MYO1D: variants seen among roughly 807,000 people sequenced by gnomAD.
MYO1D encodes myosin ID.
MYO1D carries 83 observed loss-of-function variants against 122.0 expected under a neutral mutation model. The ratio of observed to expected loss-of-function variants is 0.68; its 90% CI spans 0.57 to 0.82. The LOEUF (loss-of-function observed/expected upper bound fraction) is 0.82, where lower values mean the gene tolerates loss of function less well. MYO1D is among the 40% of genes least tolerant of loss of function. MYO1D has a pLI of 0.00. For missense variants in MYO1D, 1,157 were observed against 1,269.5 expected, an observed-to-expected ratio of 0.91 and a Z score of 1.35; for synonymous variants, 464 against 446.9, an observed-to-expected ratio of 1.04 and a Z score of -0.48.
chr17:32,679,681 A>G (rs888817029), intron 16 of MYO1D, among the ~76,000 whole-genome samples: 4 of 152,192 alleles, frequency 2.6e-5, no homozygotes, highest in Non-Finnish European at 5.9e-5. Flanking sequence ...TAGAGTTTGA[A>G]GTCAGGTAGT....
At chr17:32,734,343 G>T (rs1264285294) in intron 14 of MYO1D, among the ~76,000 whole-genome samples, 1 of 151,952 alleles carries the variant, frequency 6.6e-6, no homozygotes, top group East Asian at 1.9e-4. Context: ...TGTCTGCACA[G>T]TAATAGCCCT....
At chr17:32,561,581 T>C (rs2087126013) in intron 21 of MYO1D, among the ~76,000 whole-genome samples, 2 of 151,454 alleles carry the variant, frequency 1.3e-5, no homozygotes, top group Non-Finnish European at 2.9e-5. Context: ...TCCCAGCTAC[T>C]TGGGAGGCTG....
At chr17:32,876,508 C>A (rs1447715578) in intron 1 of MYO1D, among the ~76,000 whole-genome samples, 1 of 152,176 alleles carries the variant, frequency 6.6e-6, no homozygotes, top group African/African-American at 2.4e-5. Context: ...ACCTAAACCC[C>A]GGACAGCGCC....
At chr17:32,775,087 G>A (rs1012435052) in intron 4 of MYO1D, among the ~76,000 whole-genome samples, 7 of 152,118 alleles carry the variant, frequency 4.6e-5, no homozygotes, top group Non-Finnish European at 7.3e-5. Flanking sequence ...GGCTGCTTGA[G>A]CCTAAGAGTT....
At chr17:32,524,406 T>C (rs947397390) in intron 21 of MYO1D, among the ~76,000 whole-genome samples, 1 of 152,100 alleles carries the variant, frequency 6.6e-6, no homozygotes, top group Non-Finnish European at 1.5e-5. Flanking sequence ...TTCTTTTTTT[T>C]TCTTTGGACA....
chr17:32,555,682 C>T (rs1323232313), intron 21 of MYO1D, among the ~76,000 whole-genome samples: 3 of 152,180 alleles, frequency 2.0e-5, no homozygotes, highest in South Asian at 4.1e-4. Context: ...ATCCTGTATC[C>T]GTGGCACATC....
At chr17:32,560,484 T>C (rs764063845) in intron 21 of MYO1D, among the ~76,000 whole-genome samples, 2 of 132,844 alleles carry the variant, frequency 1.5e-5, no homozygotes, top group African/African-American at 5.6e-5. Context: ...GAAATGTATG[T>C]TATGGAGATA....
chr17:32,830,913 G>A (rs1325325713), intron 1 of MYO1D, among the ~76,000 whole-genome samples: 1 of 152,128 alleles, frequency 6.6e-6, no homozygotes, highest in Non-Finnish European at 1.5e-5. Flanking sequence ...AAAATTAGCT[G>A]AGCGTGGTGG....
chr17:32,553,805 C>T (rs2087044106), intron 21 of MYO1D, among the ~76,000 whole-genome samples: 1 of 152,158 alleles, frequency 6.6e-6, no homozygotes, highest in Non-Finnish European at 1.5e-5. Context: ...TTCATTCACT[C>T]CCACCACTTC....
At chr17:32,692,429 A>T (rs1054432846) in intron 16 of MYO1D, among the ~76,000 whole-genome samples, 1 of 152,258 alleles carries the variant, frequency 6.6e-6, no homozygotes, top group African/African-American at 2.4e-5. Flanking sequence ...AAAGTTTCTT[A>T]GCTCAATGAA....
intron 1 of MYO1D, among the ~76,000 whole-genome samples, chr17:32,865,137 A>G (rs1310527160): frequency 6.6e-6 from 1 of 152,272 alleles, no homozygotes; most frequent in African/African-American, 2.4e-5. Flanking sequence ...TATATGACCA[A>G]TGATGGGGTT....
intron 1 of MYO1D, among the ~76,000 whole-genome samples, chr17:32,874,052 T>C (rs76769465): frequency 0.031 from 4,745 of 152,262 alleles, 153 homozygotes; most frequent in East Asian, 0.19. Context: ...TGGAATGCTC[T>C]CCAGCCACGA....
At chr17:32,526,837 C>T (rs763255153) in intron 21 of MYO1D, among the ~76,000 whole-genome samples, 7 of 152,128 alleles carry the variant, frequency 4.6e-5, no homozygotes, top group Non-Finnish European at 1.0e-4. Context: ...TTATTCTTGA[C>T]AAGGAGGTAG....
At chr17:32,557,446 G>A (rs72813082) in intron 21 of MYO1D, among the ~76,000 whole-genome samples, 3,314 of 152,156 alleles carry the variant, frequency 0.022, 59 homozygotes, top group Middle Eastern at 0.054. Context: ...ACTGGGTGGG[G>A]CTTGAGATGC....
At chr17:32,844,404 T>C (rs1265399258) in intron 1 of MYO1D, among the ~76,000 whole-genome samples, 1 of 147,366 alleles carries the variant, frequency 6.8e-6, no homozygotes, top group African/African-American at 2.5e-5. Flanking sequence ...ATATAATATG[T>C]ATATATGTGT....
chr17:32,732,185 A>G (rs11867973), intron 14 of MYO1D, among the ~76,000 whole-genome samples: 22,994 of 152,214 alleles, frequency 0.15, 2,161 homozygotes, highest in Non-Finnish European at 0.22. Flanking sequence ...TGGCACGAAC[A>G]GTCTGGACTC....
intron 20 of MYO1D, among the ~76,000 whole-genome samples, chr17:32,611,054 C>T (rs565400048): frequency 6.6e-6 from 1 of 152,260 alleles, no homozygotes; most frequent in South Asian, 2.1e-4. Context: ...CCCAGCCTCT[C>T]CTTACTAAGA....
At chr17:32,694,628 G>A (rs796849818) in intron 16 of MYO1D, among the ~76,000 whole-genome samples, 41 of 143,602 alleles carry the variant, frequency 2.9e-4, no homozygotes, top group African/African-American at 1.0e-3. Flanking sequence ...GTGAACCCGG[G>A]AAGCGGAGCT....
In MYO1D at chr17:32,650,421, C is replaced by T. The variant is rs568332725; in HGVS notation, c.2595+3422G>A. Among the ~76,000 whole-genome samples the T allele has an allele frequency of 6.9e-4, 105 of 152,124 alleles. 1 individual carries two copies. Among genetic ancestry groups the T allele is most frequent in the Non-Finnish European group, 8.2e-4 (56 of 68,038 alleles). ...TTAGTGTTTGTTGAGCTTCTTGGAT[C>T]TGTGCATTTAACATTTCATCAAATT... On this transcript the variant is annotated intron_variant, in intron 19 of 21. Coordinates refer to ENST00000318217, the MANE Select transcript of MYO1D (RefSeq NM_015194.3).
Sources: allele counts gnomAD v4.1 joint callset (sites outside exome capture counted in the v4.1 genomes callset), GRCh38; gene constraint gnomAD v4.1.1; transcripts MANE v1.5; gene names NCBI Gene and HGNC (gene_info 2026-07-23, HGNC 2026-07-21).